The following NALCN variants were observed in gnomAD, a reference collection of about 807,000 sequenced individuals.
The protein encoded by NALCN is sodium leak channel, non-selective.
A neutral mutation model predicts 225.3 loss-of-function variants in NALCN; 111 were observed. That is an observed-to-expected ratio of 0.49 (90% CI 0.42 to 0.58). The LOEUF (loss-of-function observed/expected upper bound fraction) is 0.58. NALCN is among the 20% of genes least tolerant of loss of function. The probability of loss-of-function intolerance (pLI) is 0.00; values close to 1 mark genes in which losing one functional copy is unlikely to be tolerated. For missense variants in NALCN, 1,378 were observed against 2,202.4 expected, an observed-to-expected ratio of 0.63 and a Z score of 7.49; for synonymous variants, 764 against 769.0, an observed-to-expected ratio of 0.99 and a Z score of 0.11.
intron 13 of NALCN, among the ~76,000 whole-genome samples, chr13:101,226,777 C>T (rs1389030134): frequency 1.3e-5 from 2 of 152,148 alleles, no homozygotes; most frequent in African/African-American, 4.8e-5. Flanking sequence ...TCAGCTCTGC[C>T]CTGCCAGGCC....
intron 20 of NALCN, among the ~76,000 whole-genome samples, chr13:101,109,014 C>T (rs1647739259): frequency 6.6e-6 from 1 of 152,114 alleles, no homozygotes; most frequent in South Asian, 2.1e-4. Flanking sequence ...AAGAAGTAAG[C>T]TCCGGCACTG....
intron 7 of NALCN, among the ~76,000 whole-genome samples, chr13:101,324,810 A>G (rs1397778394): frequency 1.3e-5 from 2 of 152,080 alleles, no homozygotes; most frequent in African/African-American, 2.4e-5. Flanking sequence ...TTCCAACACT[A>G]TGTTGAATAG....
intron 14 of NALCN, among the ~76,000 whole-genome samples, chr13:101,189,682 G>A (rs1277671661): frequency 6.6e-6 from 1 of 152,150 alleles, no homozygotes; most frequent in Non-Finnish European, 1.5e-5. Flanking sequence ...AACTGTTCTC[G>A]TTAACATGTA....
chr13:101,338,426 TC>T, intron 7 of NALCN, among the ~76,000 whole-genome samples: 1 of 152,346 alleles, frequency 6.6e-6, no homozygotes, highest in Non-Finnish European at 1.5e-5. Flanking sequence ...AAGTGACTTT[TC>T]AGGATGAGTT....
chr13:101,095,500 C>T, intron 28 of NALCN, 74 bp downstream of exon 28: 2 of 1,181,066 alleles, frequency 1.7e-6, no homozygotes, highest in Non-Finnish European at 2.4e-6. Context: ...AGTTACATGC[C>T]ATATGATACT....
chr13:101,148,538 A>G (rs2037471777), intron 15 of NALCN, among the ~76,000 whole-genome samples: 1 of 152,150 alleles, frequency 6.6e-6, no homozygotes, highest in African/African-American at 2.4e-5. Context: ...ATTTTGGGGG[A>G]ATGCCTTAAA....
chr13:101,142,138 CT>C (rs33925974), intron 17 of NALCN, among the ~76,000 whole-genome samples: 9,661 of 96,370 alleles, frequency 0.1, 153 homozygotes, highest in East Asian at 0.26. Flanking sequence ...CATTCTATGT[CT>C]TTTTTTTTTT....
chr13:101,191,992 A>G lies in NALCN; in HGVS notation c.1689T>C (p.Thr563=), dbSNP rs2039701442. The G allele has an allele frequency of 9.4e-6, 15 of 1,600,952 alleles. No individual in the cohort carries two copies. Among genetic ancestry groups the G allele is most frequent in the Non-Finnish European group, 1.3e-5 (15 of 1,176,154 alleles). Residue 563 remains threonine (T), a synonymous_variant, in exon 14 of 44, where the codon ACT becomes ACC. Transcript: ENST00000251127. The part of the protein sequence containing the change: ...QEGWVDVMDQ[T]LNAVGHMWAP... ...CCCACATATGTCCCACAGCATTTAG[A>G]GTTTGGTCCATTACGTCCACCCATC...
At chr13:101,349,693 C>T (rs1213341273) in intron 6 of NALCN, among the ~76,000 whole-genome samples, 1 of 152,184 alleles carries the variant, frequency 6.6e-6, no homozygotes, top group Non-Finnish European at 1.5e-5. Context: ...GCTCTGAGCT[C>T]TGTCTTTGAC....
chr13:101,276,062 C>CAAAAAATAAA (rs2042962114), intron 10 of NALCN, among the ~76,000 whole-genome samples: 1 of 84,312 alleles, frequency 1.2e-5, no homozygotes, highest in African/African-American at 4.4e-5. Flanking sequence ...GACTCCTTCT[C>CAAAAAATAAA]AAAAAAAAAA....
At chr13:101,400,580 T>TGTGTGTGCGC (rs1447560398) in intron 1 of NALCN, among the ~76,000 whole-genome samples, 2 of 135,664 alleles carry the variant, frequency 1.5e-5, no homozygotes, top group Non-Finnish European at 1.5e-5. Context: ...TGTGTGTGTG[T>TGTGTGTGCGC]GCACGTGTGT....
Position 101,363,866 on chromosome 13 carries a change from G to A in NALCN, c.644+12834C>T, listed in dbSNP as rs547438804. ...AGGATTAATAACCAGAATATATAAA[G>A]AACTCAAATAACTCAATGGGAAAAA... On this transcript the variant is annotated intron_variant, in intron 6 of 43. Transcript: ENST00000251127. Among the ~76,000 whole-genome samples, 11 of 152,066 alleles carry A rather than the reference G, an allele frequency of 7.2e-5. No individual in the cohort carries two copies. The South Asian group carries it at 2.3e-3, about 32-fold the overall frequency.
chr13:101,377,127 G>C (rs2046717436), intron 4 of NALCN, 71 bp from the exon 5 acceptor site: 1 of 1,583,346 alleles, frequency 6.3e-7, no homozygotes, highest in African/African-American at 1.3e-5. Flanking sequence ...GGAACATACA[G>C]ATGTTAGCAG....
rs1053947273 is a variant in NALCN, at chr13:101,336,888, G to A, written c.799+8378C>T. ...TATAGCAAACACATGCCTTATCACGGCATTTTGAATTTAGTTCAAATACAC... is the reference window on the plus strand; with the variant it reads ...TATAGCAAACACATGCCTTATCACGACATTTTGAATTTAGTTCAAATACAC... On this transcript the variant is annotated intron_variant, in intron 7 of 43. Transcript: ENST00000251127. 7.9e-5 allele frequency among the ~76,000 whole-genome samples: 12 copies of A among 152,182 alleles called. No homozygotes were observed. The East Asian group carries it at 2.1e-3, about 27-fold the overall frequency.
intron 7 of NALCN, among the ~76,000 whole-genome samples, chr13:101,296,809 T>C (rs1427549066): frequency 3.3e-5 from 5 of 152,306 alleles, no homozygotes; most frequent in Middle Eastern, 6.8e-3. Context: ...ATCACAACAA[T>C]GATACTCATG....
At chr13:101,177,375 T>G (rs1278317214) in intron 14 of NALCN, among the ~76,000 whole-genome samples, 1 of 135,972 alleles carries the variant, frequency 7.4e-6, no homozygotes, top group Non-Finnish European at 1.7e-5. Context: ...TGAATTTTTA[T>G]GGTGTTGAAA....
intron 13 of NALCN, among the ~76,000 whole-genome samples, chr13:101,201,460 A>G (rs1372088510): frequency 1.3e-5 from 2 of 152,184 alleles, no homozygotes; most frequent in African/African-American, 4.8e-5. Context: ...GGGGTCATCC[A>G]TGTTGTAGTA....
intron 10 of NALCN, among the ~76,000 whole-genome samples, chr13:101,273,999 C>T (rs1009617144): frequency 6.6e-6 from 1 of 151,872 alleles, no homozygotes; most frequent in Admixed American, 6.6e-5. Context: ...GACACCATTT[C>T]GTGTCATCTG....
chr13:101,342,454 G>A (rs2045586667), intron 7 of NALCN, among the ~76,000 whole-genome samples: 1 of 152,190 alleles, frequency 6.6e-6, no homozygotes, highest in Non-Finnish European at 1.5e-5. Context: ...CTGCAGAAAT[G>A]AGGGCCTCTG....
Sources: allele counts gnomAD v4.1 joint callset (sites outside exome capture counted in the v4.1 genomes callset), GRCh38; gene constraint gnomAD v4.1.1; transcripts MANE v1.5; gene names NCBI Gene and HGNC (gene_info 2026-07-23, HGNC 2026-07-21).